Variants in FEZ2 observed in about 807,000 individuals in gnomAD.
FEZ2 encodes fasciculation and elongation protein zeta 2.
A neutral mutation model predicts 40.4 loss-of-function variants in FEZ2; 51 were observed. That is an observed-to-expected ratio of 1.26 (90% confidence interval 1.01 to 1.59). The LOEUF (loss-of-function observed/expected upper bound fraction) is 1.59. Among genes scored for constraint, FEZ2 ranks in the 40% most tolerant of loss-of-function variants. The pLI, the probability that FEZ2 is intolerant of heterozygous loss-of-function variation, is 0.00. For missense variants in FEZ2, 640 were observed against 438.3 expected (o/e 1.46, Z -4.11); for synonymous variants, 242 against 172.0 (o/e 1.41, Z -3.18).
intron 2 of FEZ2, among the ~76,000 whole-genome samples, chr2:36,585,344 T>C (rs910154656): frequency 6.6e-6 from 1 of 151,582 alleles, no homozygotes; most frequent in African/African-American, 2.4e-5. Flanking sequence ...AGGAGGAAAA[T>C]GAAAAAGAAA....
intron 2 of FEZ2, among the ~76,000 whole-genome samples, chr2:36,588,984 G>T (rs960103915): frequency 6.6e-6 from 1 of 151,942 alleles, no homozygotes; most frequent in African/African-American, 2.4e-5. Context: ...CCATGGACTG[G>T]TTTTGGTGCA....
intron 5 of FEZ2, among the ~76,000 whole-genome samples, chr2:36,576,031 G>A (rs756969504): frequency 1.3e-5 from 2 of 152,208 alleles, no homozygotes; most frequent in African/African-American, 4.8e-5. Flanking sequence ...TTCTAAGGAG[G>A]TCACCATTTT....
chr2:36,565,858 G>C (rs1458705348), intron 5 of FEZ2, among the ~76,000 whole-genome samples: 1 of 152,102 alleles, frequency 6.6e-6, no homozygotes, highest in Non-Finnish European at 1.5e-5. Flanking sequence ...TCACCAGGAT[G>C]CCAGCAGTAC....
intron 5 of FEZ2, among the ~76,000 whole-genome samples, chr2:36,561,698 C>A (rs1302020214): frequency 6.6e-6 from 1 of 152,124 alleles, no homozygotes; most frequent in Non-Finnish European, 1.5e-5. Context: ...TGGATTCTTA[C>A]AGCATGACTA....
chr2:36,588,265 T>C (rs1668962687), intron 2 of FEZ2, among the ~76,000 whole-genome samples: 1 of 152,092 alleles, frequency 6.6e-6, no homozygotes, highest in African/African-American at 2.4e-5. Flanking sequence ...TGACCTTAGG[T>C]GATCCATCCA....
intron 7 of FEZ2, chr2:36,554,281 GAATT>G: frequency 2.1e-6 from 1 of 471,090 alleles, no homozygotes; most frequent in Non-Finnish European, 4.4e-6. Context: ...TCAGAGTAAA[GAATT>G]AAAAATCATT....
At chr2:36,560,771 G>C in intron 5 of FEZ2, 2 of 1,549,884 alleles carry the variant, frequency 1.3e-6, no homozygotes, top group Non-Finnish European at 1.8e-6. Flanking sequence ...AGGAAAATAA[G>C]GATAACCGAG....
chr2:36,598,098 C>A lies in FEZ2; in HGVS notation c.45G>T (p.Glu15Asp), dbSNP rs1299547501. Residue 15 changes from glutamate (E) to aspartate (D), a missense_variant, in exon 1 of 8, where the codon GAG becomes GAT. Coordinates refer to ENST00000405912, the MANE Select transcript of FEZ2 (RefSeq NM_005102.3). The stretch of plus-strand genomic sequence containing the variant: ...CCTGGTCCAGGAGGCTCCGGGCCGG[C>A]TCCTGGAACTCATAGAAATCCTGCC... ...GDWQDFYEFQ[E>D]PARSLLDQEN... 1 of 1,493,058 alleles carries A rather than the reference C, an allele frequency of 6.7e-7. No homozygotes were observed. Among genetic ancestry groups the A allele is most frequent in the East Asian group, 2.9e-5 (1 of 34,512 alleles). The allele number at this position is 1,493,058 out of a possible 1,614,324, so 92.5% of individuals were successfully genotyped here.
At chr2:36,566,424 T>C (rs1668241566) in intron 5 of FEZ2, among the ~76,000 whole-genome samples, 1 of 149,096 alleles carries the variant, frequency 6.7e-6, no homozygotes. Flanking sequence ...GAAAGAAAAA[T>C]GAAAATTCTG....
intron 5 of FEZ2, chr2:36,560,884 G>A (rs192843973): frequency 1.5e-4 from 222 of 1,525,588 alleles, no homozygotes; most frequent in African/African-American, 1.4e-3. Context: ...GGCAATATAC[G>A]GCCCAGAAGA....
intron 1 of FEZ2, 114 bp from the exon 2 acceptor site, chr2:36,591,125 C>G: frequency 1.4e-6 from 1 of 692,452 alleles, no homozygotes; most frequent in Non-Finnish European, 2.5e-6. Flanking sequence ...GAAAAACAGA[C>G]AGCACATTGT....
At chr2:36,596,483 G>A (rs1669225718) in intron 1 of FEZ2, among the ~76,000 whole-genome samples, 1 of 152,092 alleles carries the variant, frequency 6.6e-6, no homozygotes, top group South Asian at 2.1e-4. Flanking sequence ...TTGAGACAAA[G>A]TCTCGCTCTG....
At chr2:36,570,369 T>C (rs1206979858) in intron 5 of FEZ2, among the ~76,000 whole-genome samples, 1 of 152,180 alleles carries the variant, frequency 6.6e-6, no homozygotes, top group Non-Finnish European at 1.5e-5. Flanking sequence ...AAAATTAGCA[T>C]TAAATAATTT....
chr2:36,572,017 G>GAAAAAAAAAAA (rs34787798), intron 5 of FEZ2, among the ~76,000 whole-genome samples: 4 of 110,110 alleles, frequency 3.6e-5, no homozygotes, highest in African/African-American at 1.2e-4. Context: ...TCCGTCTCAG[G>GAAAAAAAAAAA]AAAAAAAAAA....
intron 2 of FEZ2, chr2:36,583,909 G>T (rs1031934457): frequency 6.2e-6 from 1 of 162,426 alleles, no homozygotes; most frequent in Non-Finnish European, 1.3e-5. Flanking sequence ...TGAAAGGCGG[G>T]ATCTGTCCAT....
intron 1 of FEZ2, among the ~76,000 whole-genome samples, chr2:36,592,430 C>G (rs143968222): frequency 2.5e-4 from 38 of 152,160 alleles, no homozygotes; most frequent in African/African-American, 8.2e-4. Context: ...ACATAGTTAA[C>G]AAATAGGGAT....
intron 5 of FEZ2, among the ~76,000 whole-genome samples, chr2:36,567,907 AC>A (rs1668293563): frequency 6.6e-6 from 1 of 152,146 alleles, no homozygotes; most frequent in Non-Finnish European, 1.5e-5. Flanking sequence ...TGTAGAGCAT[AC>A]TGTGCATTCT....
Position 36,553,192 on chromosome 2 carries a change from G to A in FEZ2, c.1046-13C>T, listed in dbSNP as rs1413844109. On this transcript the variant is annotated splice_polypyrimidine_tract_variant and intron_variant, in intron 7 of 7. Coordinates refer to ENST00000405912, the MANE Select transcript of FEZ2 (RefSeq NM_005102.3). Reference sequence around the variant, plus strand: ...GTAGGACACAGAACTAGAAGAAAAAGAGAACTTTTAGCTACAAATGTATAT... The same window carrying A: ...GTAGGACACAGAACTAGAAGAAAAAAAGAACTTTTAGCTACAAATGTATAT... 6.5e-7 allele frequency: 1 copy of A among 1,547,482 alleles called. No individual in the cohort carries two copies.
At chr2:36,580,543 T>C (rs966294676) in intron 4 of FEZ2, among the ~76,000 whole-genome samples, 32 of 152,238 alleles carry the variant, frequency 2.1e-4, no homozygotes, top group African/African-American at 7.0e-4. Context: ...GAAAATCAAC[T>C]GTAGAGTTTC....
Sources: gnomAD v4.1 joint callset for allele counts (sites outside exome capture counted in the v4.1 genomes callset) on GRCh38, gnomAD v4.1.1 for gene constraint, MANE v1.5 for transcripts, NCBI Gene and HGNC (gene_info 2026-07-23, HGNC 2026-07-21) for gene names.